EGFLAM: variants seen among roughly 807,000 people sequenced by gnomAD.
EGFLAM encodes EGF like, fibronectin type III and laminin G domains, also known as pikachurin.
A neutral mutation model predicts 113.1 loss-of-function variants in EGFLAM; 79 were observed. That is an observed-to-expected ratio of 0.70 (90% CI 0.58 to 0.84). The LOEUF is 0.84. EGFLAM is among the 40% of genes least tolerant of loss of function. The pLI, the probability that EGFLAM is intolerant of heterozygous loss-of-function variation, is 0.00. For synonymous variants in EGFLAM, 504 were observed against 487.6 expected (o/e 1.03, Z -0.44); for missense variants, 1,265 against 1,291.6 (o/e 0.98, Z 0.32).
At chr5:38,312,792 A>G (rs1738490145) in intron 1 of EGFLAM, among the ~76,000 whole-genome samples, 1 of 152,106 alleles carries the variant, frequency 6.6e-6, no homozygotes, top group African/African-American at 2.4e-5. Flanking sequence ...TTTAGAGAAA[A>G]GTTAAAGTAT....
intron 19 of EGFLAM, 84 bp downstream of exon 19, chr5:38,451,542 G>A (rs1742914918): frequency 2.6e-6 from 4 of 1,527,642 alleles, no homozygotes; most frequent in Middle Eastern, 2.0e-4. Flanking sequence ...TCAGAAGGGA[G>A]CCAGAACACA....
chr5:38,327,377 T>G (rs1330257395), intron 1 of EGFLAM, among the ~76,000 whole-genome samples: 1 of 152,198 alleles, frequency 6.6e-6, no homozygotes, highest in Non-Finnish European at 1.5e-5. Flanking sequence ...CTTTTAAAAT[T>G]GGGAAAACAA....
At chr5:38,358,586 C>A (rs1739830371) in intron 5 of EGFLAM, among the ~76,000 whole-genome samples, 1 of 151,850 alleles carries the variant, frequency 6.6e-6, no homozygotes, top group South Asian at 2.1e-4. Context: ...GGGCTTAGGA[C>A]CAAGCAAATT....
chr5:38,259,829 G>A (rs568305077), intron 1 of EGFLAM, among the ~76,000 whole-genome samples: 3 of 152,326 alleles, frequency 2.0e-5, no homozygotes, highest in South Asian at 2.1e-4. Flanking sequence ...CTTCACAAAC[G>A]TTTCTGTAAG....
intron 1 of EGFLAM, among the ~76,000 whole-genome samples, chr5:38,326,537 C>G (rs1291419614): frequency 6.6e-6 from 1 of 151,892 alleles, no homozygotes. Flanking sequence ...CTCACTCTGT[C>G]ACCCAGGCTG....
intron 11 of EGFLAM, among the ~76,000 whole-genome samples, chr5:38,414,350 A>G (rs1457091646): frequency 6.6e-6 from 1 of 152,214 alleles, no homozygotes; most frequent in East Asian, 1.9e-4. Flanking sequence ...CTTGGGTCCA[A>G]AATACTAACA....
intron 6 of EGFLAM, among the ~76,000 whole-genome samples, chr5:38,389,528 T>A (rs532936292): frequency 2.6e-5 from 4 of 152,282 alleles, no homozygotes; most frequent in Non-Finnish European, 5.9e-5. Flanking sequence ...GAAATCACCA[T>A]GTTGAGTCCT....
intron 1 of EGFLAM, among the ~76,000 whole-genome samples, chr5:38,277,454 A>ACACT (rs1757914302): frequency 6.7e-6 from 1 of 148,318 alleles, no homozygotes; most frequent in African/African-American, 2.5e-5. Flanking sequence ...CACAGCCAAT[A>ACACT]CACTGAACAA....
At chr5:38,435,319 T>C in intron 16 of EGFLAM, 66 bp downstream of exon 16, 1 of 1,230,038 alleles carries the variant, frequency 8.1e-7, no homozygotes. Context: ...GTGAGGATTA[T>C]GATCAGTGTC....
intron 5 of EGFLAM, among the ~76,000 whole-genome samples, chr5:38,368,646 G>GT (rs374173370): frequency 1.4e-4 from 22 of 152,296 alleles, no homozygotes; most frequent in African/African-American, 5.3e-4. Context: ...GAGCAGAGGT[G>GT]TTTAACAACA....
intron 5 of EGFLAM, among the ~76,000 whole-genome samples, chr5:38,357,926 G>A (rs1424944079): frequency 6.9e-6 from 1 of 144,784 alleles, no homozygotes; most frequent in Non-Finnish European, 1.5e-5. Flanking sequence ...GTAGTGGCAC[G>A]ATCTTGGCTC....
At chr5:38,441,017 T>C (rs1487589078) in intron 17 of EGFLAM, among the ~76,000 whole-genome samples, 1 of 152,174 alleles carries the variant, frequency 6.6e-6, no homozygotes, top group East Asian at 1.9e-4. Flanking sequence ...CCTGGAGCAG[T>C]TCCAGGCACT....
intron 15 of EGFLAM, among the ~76,000 whole-genome samples, chr5:38,434,123 G>A (rs1742270478): frequency 1.3e-5 from 2 of 152,086 alleles, no homozygotes; most frequent in South Asian, 2.1e-4. Context: ...ATTCATGCTC[G>A]TAATGTGGTG....
intron 17 of EGFLAM, among the ~76,000 whole-genome samples, chr5:38,441,641 A>G (rs1742538638): frequency 6.8e-6 from 1 of 147,194 alleles, no homozygotes; most frequent in Admixed American, 6.9e-5. Flanking sequence ...CGTACACGAA[A>G]TGGGAGGAGG....
At chr5:38,432,560 G>A (rs755762764) in intron 15 of EGFLAM, among the ~76,000 whole-genome samples, 2 of 152,208 alleles carry the variant, frequency 1.3e-5, no homozygotes, top group Non-Finnish European at 2.9e-5. Flanking sequence ...GAGAACCAGA[G>A]TCACTTCTGG....
At chr5:38,399,522 C>A (rs1741050322) in intron 6 of EGFLAM, among the ~76,000 whole-genome samples, 1 of 152,114 alleles carries the variant, frequency 6.6e-6, no homozygotes, top group Non-Finnish European at 1.5e-5. Flanking sequence ...AAGCGATCCA[C>A]CCACTTTGGC....
Position 38,263,895 on chromosome 5 carries a change from T to C in EGFLAM, c.97+5044T>C, listed in dbSNP as rs978040320. Among the ~76,000 whole-genome samples the C allele has an allele frequency of 1.3e-5, 2 of 152,286 alleles. 1 individual carries two copies. Among genetic ancestry groups the C allele is most frequent in the South Asian group, 4.1e-4 (2 of 4,832 alleles). ...ATGCTTGGTGGTGGGAGGTGGTACA[T>C]CAGAGGCAAAGGGATCTCCAGCTTG... is the stretch of plus-strand genomic sequence containing the variant. On this transcript the variant is annotated intron_variant, in intron 1 of 21. Transcript: ENST00000322350.
intron 1 of EGFLAM, among the ~76,000 whole-genome samples, chr5:38,336,330 T>G (rs1739181087): frequency 6.6e-6 from 1 of 152,122 alleles, no homozygotes; most frequent in African/African-American, 2.4e-5. Context: ...TCCCAGCACT[T>G]TGGGAGGCCA....
chr5:38,259,786 A>G (rs185910373), intron 1 of EGFLAM, among the ~76,000 whole-genome samples: 188 of 152,364 alleles, frequency 1.2e-3, no homozygotes, highest in African/African-American at 4.3e-3. Flanking sequence ...ATTTGAATGC[A>G]GTCTGCAAAA....
Sources: allele counts gnomAD v4.1 joint callset (sites outside exome capture counted in the v4.1 genomes callset), GRCh38; gene constraint gnomAD v4.1.1; transcripts MANE v1.5; gene names NCBI Gene and HGNC (gene_info 2026-07-23, HGNC 2026-07-21).